Variants in LRCH1 observed in about 807,000 individuals in gnomAD.
LRCH1 encodes leucine-rich repeat and calponin homology domain-containing protein 1.
A neutral mutation model predicts 94.9 loss-of-function variants in LRCH1; 23 were observed. The ratio of observed to expected loss-of-function variants is 0.24; its 90% confidence interval spans 0.17 to 0.34. The LOEUF (loss-of-function observed/expected upper bound fraction) is 0.34. Among genes scored for constraint, LRCH1 ranks in the 10% least tolerant of loss-of-function variants. LRCH1 has a pLI of 1.00. For missense variants in LRCH1, 790 were observed against 945.9 expected (o/e 0.84, Z 2.16); for synonymous variants, 364 against 354.9 (o/e 1.03, Z -0.29).
intron 18 of LRCH1, among the ~76,000 whole-genome samples, chr13:46,732,119 C>G (rs1250260368): frequency 6.6e-6 from 1 of 152,206 alleles, no homozygotes; most frequent in East Asian, 1.9e-4. Context: ...GCAGTTGTAT[C>G]TGCCAGCAGC....
chr13:46,602,096 A>G (rs2050634488), intron 1 of LRCH1, among the ~76,000 whole-genome samples: 1 of 152,200 alleles, frequency 6.6e-6, no homozygotes. Flanking sequence ...TTTGAATCTC[A>G]TCTCTTTCCA....
At chr13:46,670,370 C>T (rs1019386131) in intron 3 of LRCH1, among the ~76,000 whole-genome samples, 1 of 152,152 alleles carries the variant, frequency 6.6e-6, no homozygotes, top group Non-Finnish European at 1.5e-5. Flanking sequence ...TTGTGAAGGA[C>T]CATGGCAGCG....
At chr13:46,710,026 C>T (rs911371693) in intron 13 of LRCH1, among the ~76,000 whole-genome samples, 2 of 152,146 alleles carry the variant, frequency 1.3e-5, no homozygotes, top group African/African-American at 4.8e-5. Flanking sequence ...CAGCATAGCC[C>T]TATATTAATT....
At chr13:46,572,367 C>A (rs1224124428) in intron 1 of LRCH1, among the ~76,000 whole-genome samples, 1 of 152,204 alleles carries the variant, frequency 6.6e-6, no homozygotes, top group Non-Finnish European at 1.5e-5. Flanking sequence ...TGCAACACTA[C>A]TTTAAGCTTA....
At chr13:46,657,714 A>G in intron 2 of LRCH1, among the ~76,000 whole-genome samples, 2 of 16,530 alleles carry the variant, frequency 1.2e-4, no homozygotes, top group African/African-American at 1.8e-4. Flanking sequence ...TTTTTGGTAG[A>G]GATGGAATTT....
intron 1 of LRCH1, among the ~76,000 whole-genome samples, chr13:46,569,608 T>G (rs1255727178): frequency 6.6e-6 from 1 of 152,090 alleles, no homozygotes; most frequent in Non-Finnish European, 1.5e-5. Context: ...CTCCTGTGGC[T>G]CTCTCCTGCT....
At chr13:46,635,030 A>G (rs1294592508) in intron 1 of LRCH1, among the ~76,000 whole-genome samples, 1 of 152,212 alleles carries the variant, frequency 6.6e-6, no homozygotes. Flanking sequence ...TATTATCTCC[A>G]TAAGGATTGG....
intron 2 of LRCH1, among the ~76,000 whole-genome samples, chr13:46,665,410 T>C (rs760363147): frequency 1.2e-4 from 19 of 152,200 alleles, no homozygotes; most frequent in Non-Finnish European, 2.5e-4. Flanking sequence ...ATAGTGGTAC[T>C]TGAAGCCAAG....
Position 46,635,661 on chromosome 13 carries a change from C to T in LRCH1, c.308-14540C>T, listed in dbSNP as rs528501395. Among the ~76,000 whole-genome samples, 61 of 151,920 alleles carry T rather than the reference C, an allele frequency of 4.0e-4. No individual in the cohort carries two copies. The East Asian group carries it at 0.011, about 28-fold the overall frequency. On this transcript the variant is annotated intron_variant, in intron 1 of 19. Coordinates refer to ENST00000389797, the MANE Select transcript of LRCH1 (RefSeq NM_001164211.2). ...AATTGTTTTGTATTTTTAGTAGAGA[C>T]GGGGTTTCAGCATGTTAGCCAGGAT...
intron 18 of LRCH1, among the ~76,000 whole-genome samples, chr13:46,730,421 T>C (rs1385501399): frequency 1.3e-5 from 2 of 152,182 alleles, no homozygotes; most frequent in African/African-American, 2.4e-5. Context: ...TGTGTTGGAC[T>C]GAAGCTCACG....
intron 1 of LRCH1, among the ~76,000 whole-genome samples, chr13:46,603,782 G>A (rs927309188): frequency 3.9e-5 from 6 of 152,064 alleles, no homozygotes; most frequent in African/African-American, 9.7e-5. Flanking sequence ...TCAGCCTCCT[G>A]AGTAGCTGAG....
At chr13:46,712,021 G>T (rs1054855723) in intron 14 of LRCH1, among the ~76,000 whole-genome samples, 177 bp downstream of exon 14, 2 of 152,158 alleles carry the variant, frequency 1.3e-5, no homozygotes, top group African/African-American at 2.4e-5. Context: ...CGTAATTAAA[G>T]ATTAATTTTT....
chr13:46,595,361 A>T (rs2050549037), intron 1 of LRCH1, among the ~76,000 whole-genome samples: 1 of 152,336 alleles, frequency 6.6e-6, no homozygotes, highest in Admixed American at 6.5e-5. Context: ...CTGATGTGGC[A>T]GACCTGCTCT....
At chr13:46,681,873 A>G in intron 4 of LRCH1, 27 bp downstream of exon 4, 21 of 1,404,160 alleles carry the variant, frequency 1.5e-5, no homozygotes, top group Non-Finnish European at 2.1e-5. Flanking sequence ...GAAAATGAAG[A>G]AAATGGGAGA....
intron 1 of LRCH1, among the ~76,000 whole-genome samples, chr13:46,593,750 A>G (rs1020619345): frequency 2.0e-5 from 3 of 152,122 alleles, no homozygotes; most frequent in African/African-American, 7.2e-5. Context: ...CACTACATCC[A>G]TTCCAGGGAG....
intron 1 of LRCH1, among the ~76,000 whole-genome samples, chr13:46,563,523 G>A (rs1247534101): frequency 1.3e-5 from 2 of 152,200 alleles, no homozygotes; most frequent in Non-Finnish European, 2.9e-5. Flanking sequence ...TATGTACCTA[G>A]TAGAGTTGTC....
chr13:46,598,708 G>A (rs1470608713), intron 1 of LRCH1, among the ~76,000 whole-genome samples: 3 of 152,052 alleles, frequency 2.0e-5, no homozygotes, highest in Non-Finnish European at 1.5e-5. Context: ...ATGGGCTTTC[G>A]GTAAGGGAAA....
At chr13:46,626,891 A>G (rs1387123677) in intron 1 of LRCH1, among the ~76,000 whole-genome samples, 1 of 152,230 alleles carries the variant, frequency 6.6e-6, no homozygotes, top group African/African-American at 2.4e-5. Context: ...AAGGTTCGTA[A>G]TATCCTGACT....
At chr13:46,632,792 A>G (rs1256839861) in intron 1 of LRCH1, among the ~76,000 whole-genome samples, 1 of 152,278 alleles carries the variant, frequency 6.6e-6, no homozygotes, top group African/African-American at 2.4e-5. Flanking sequence ...AAGTCTCAAG[A>G]GAATAAGCAT....
Sources: allele counts gnomAD v4.1 joint callset (sites outside exome capture counted in the v4.1 genomes callset), GRCh38; gene constraint gnomAD v4.1.1; transcripts MANE v1.5; gene names NCBI Gene and HGNC (gene_info 2026-07-23, HGNC 2026-07-21).